Variants in ODAD3 observed in about 807,000 individuals in gnomAD.
The protein encoded by ODAD3 is outer dynein arm docking complex subunit 3, also known as outer dynein arm-docking complex subunit 3.
ODAD3 carries 57 observed loss-of-function variants against 70.9 expected under a neutral mutation model. The observed-to-expected ratio is 0.80, with a 90% CI of 0.65 to 1.00. The LOEUF (loss-of-function observed/expected upper bound fraction) is 1.00, where lower values mean the gene tolerates loss of function less well. Among genes scored for constraint, ODAD3 ranks in the 50% least tolerant of loss-of-function variants. The pLI is 0.00. For synonymous variants in ODAD3, 327 were observed against 315.9 expected, an observed-to-expected ratio of 1.04 and a Z score of -0.37; for missense variants, 797 against 763.9, an observed-to-expected ratio of 1.04 and a Z score of -0.51.
Position 11,430,764 on chromosome 19 carries a change from CT to C in ODAD3, c.378del (p.Val127TrpfsTer5). 6.2e-7 allele frequency: 1 copy of C among 1,614,100 alleles called. No homozygotes were observed. The highest frequency in any genetic ancestry group is 8.5e-7 in the Non-Finnish European group (1 of 1,180,016). On this transcript the variant is annotated frameshift_variant, in exon 3 of 13. Transcript: ENST00000356392. LOFTEE classifies it high-confidence loss of function. ...CATTCGCGAATCACTGCCTGGACCACTTTCTCATCTCCCTGCAAGGAGGGAA... is the reference window on the plus strand; with the variant it reads ...CATTCGCGAATCACTGCCTGGACCACTTCTCATCTCCCTGCAAGGAGGGAA... The part of the protein sequence containing the change: ...KLLDLLKGDE[K>X]VVQAVIREWK...
intron 3 of ODAD3, among the ~76,000 whole-genome samples, chr19:11,428,858 ATTTT>A (rs201801600): frequency 0.041 from 5,834 of 143,218 alleles, 324 homozygotes; most frequent in African/African-American, 0.14. Context: ...ACTGTGTTTT[ATTTT>A]TTATTTATTT....
intron 7 of ODAD3, among the ~76,000 whole-genome samples, chr19:11,425,330 TATGTGTATA>T (rs1211283101): frequency 7.8e-6 from 1 of 128,824 alleles, no homozygotes; most frequent in Non-Finnish European, 1.6e-5. Context: ...TATATGTACA[TATGTGTATA>T]TATGTATATA....
At position 11,434,772 on chromosome 19, in the gene ODAD3, C is replaced by T. The variant is rs937290981; in HGVS notation, c.244+1G>A. ...CTCTGTACCCTCTGGAGCCATCTTA[C>T]CTAACAGTTGTATCTTTTTATGTAA... On this transcript the variant is annotated splice_donor_variant, in intron 1 of 12. Transcript: ENST00000356392. LOFTEE classifies it high-confidence loss of function. 3.1e-6 allele frequency: 5 copies of T among 1,609,730 alleles called. No homozygotes were observed. Among genetic ancestry groups the T allele is most frequent in the African/African-American group, 1.3e-5 (1 of 74,864 alleles).
rs757753180 is a variant in ODAD3 at position 11,422,428 on chromosome 19, G to C, written c.1434+43C>G. Reference sequence around the variant, plus strand: ...CCCGCTTCGTGGCTGCGCCTCTGCGGTCCCAGGAGGGCCTGTCGGGGCTTC... The same window carrying C: ...CCCGCTTCGTGGCTGCGCCTCTGCGCTCCCAGGAGGGCCTGTCGGGGCTTC... On this transcript the variant is annotated intron_variant, in intron 10 of 12. Coordinates refer to ENST00000356392, the MANE Select transcript of ODAD3 (RefSeq NM_145045.5). The surrounding 1 kb of genome is among the most constrained non-coding windows in gnomAD (Gnocchi z 4.6). 14 of 1,502,014 alleles carry C rather than the reference G, an allele frequency of 9.3e-6. No homozygotes were observed. Among genetic ancestry groups the C allele is most frequent in the African/African-American group, 1.4e-5 (1 of 72,566 alleles). The allele number at this position is 1,502,014 out of a possible 1,614,324, so 93.0% of individuals were successfully genotyped here.
At chr19:11,425,437 A>G (rs1456231399) in intron 7 of ODAD3, among the ~76,000 whole-genome samples, 2 of 140,948 alleles carry the variant, frequency 1.4e-5, no homozygotes, top group Non-Finnish European at 3.0e-5. Flanking sequence ...ACATATGTGT[A>G]TATGTATATA....
intron 3 of ODAD3, among the ~76,000 whole-genome samples, chr19:11,428,861 T>TATTTA (rs1371693535): frequency 2.2e-5 from 3 of 135,686 alleles, no homozygotes; most frequent in South Asian, 2.2e-4. Context: ...GTGTTTTATT[T>TATTTA]TTTATTTATT....
chr19:11,435,231 A>T (rs1969647513), upstream of ODAD3: 1 of 1,399,038 alleles, frequency 7.1e-7, no homozygotes, highest in African/African-American at 1.4e-5. Context: ...CGTGGCTGAC[A>T]CTGCGTTCTC....
At chr19:11,425,986 G>C (rs1969361600) in intron 7 of ODAD3, among the ~76,000 whole-genome samples, 158 bp downstream of exon 7, 1 of 149,758 alleles carries the variant, frequency 6.7e-6, no homozygotes, top group African/African-American at 2.5e-5. Flanking sequence ...AGGGATGTGG[G>C]AGGGGTCTTC....
chr19:11,422,372 G>C lies in ODAD3; in HGVS notation c.1434+99C>G. 1 of 1,391,750 alleles carries C rather than the reference G, an allele frequency of 7.2e-7. No homozygotes were observed. Among genetic ancestry groups the C allele is most frequent in the Non-Finnish European group, 9.5e-7 (1 of 1,050,404 alleles). 86.2% of individuals were successfully genotyped at this position (1,391,750 alleles called of 1,614,324 possible). The stretch of plus-strand genomic sequence containing the variant: ...CGGGACAGAGGATGTGGCAGGCCAC[G>C]TTCCCTCGGGCAAGCTGGTGTGGCA... On this transcript the variant is annotated intron_variant, in intron 10 of 12. Coordinates refer to ENST00000356392, the MANE Select transcript of ODAD3 (RefSeq NM_145045.5). The surrounding 1 kb of genome is among the most constrained non-coding windows in gnomAD (Gnocchi z 4.6).
At chr19:11,426,851 T>C (rs766245725) in intron 4 of ODAD3, 22 bp downstream of exon 4, 1 of 1,611,256 alleles carries the variant, frequency 6.2e-7, no homozygotes, top group Non-Finnish European at 8.5e-7. Flanking sequence ...CCCTCTGCCC[T>C]GCAGGCCTCA....
intron 3 of ODAD3, among the ~76,000 whole-genome samples, chr19:11,428,574 G>C (rs1969435457): frequency 6.6e-6 from 1 of 151,698 alleles, no homozygotes; most frequent in Non-Finnish European, 1.5e-5. Flanking sequence ...TTTCAGACAA[G>C]GCCTTGCTTT....
At chr19:11,423,426 G>T (rs1370379043) in intron 8 of ODAD3, among the ~76,000 whole-genome samples, 3 of 152,152 alleles carry the variant, frequency 2.0e-5, no homozygotes, top group Admixed American at 6.6e-5. Flanking sequence ...GGGACACAGC[G>T]GTCTTAGAAT....
intron 3 of ODAD3, among the ~76,000 whole-genome samples, chr19:11,428,861 T>TA (rs1371693535): frequency 2.1e-4 from 29 of 135,764 alleles, no homozygotes; most frequent in East Asian, 1.4e-3. Flanking sequence ...GTGTTTTATT[T>TA]TTTATTTATT....
In ODAD3 at chr19:11,420,677, G is replaced by T. The variant is rs942362710; in HGVS notation, c.*158C>A. On this transcript the variant is annotated 3_prime_UTR_variant, in exon 13 of 13. Coordinates refer to ENST00000356392, the MANE Select transcript of ODAD3 (RefSeq NM_145045.5). Reference sequence around the variant, plus strand: ...AGCTGGGGAGATTTACTGTGGGAACGTCTGGCCCGGCCCCTTCCTCCCCTC... The same window carrying T: ...AGCTGGGGAGATTTACTGTGGGAACTTCTGGCCCGGCCCCTTCCTCCCCTC... 9 of 623,894 alleles carry T rather than the reference G, an allele frequency of 1.4e-5. No homozygotes were observed. In the African/African-American group the frequency reaches 1.7e-4, roughly 12 times the overall value. 38.6% of individuals were successfully genotyped at this position (623,894 alleles called of 1,614,324 possible).
At chr19:11,428,904 T>TA (rs1313806217) in intron 3 of ODAD3, among the ~76,000 whole-genome samples, 13 of 149,958 alleles carry the variant, frequency 8.7e-5, no homozygotes, top group African/African-American at 2.9e-4. Flanking sequence ...TTTATTTATT[T>TA]TGAGACAGAG....
upstream of ODAD3, chr19:11,435,616 G>A (rs369133175): frequency 1.0e-4 from 112 of 1,125,374 alleles, 1 homozygote; most frequent in South Asian, 9.3e-4. Context: ...AAGTGACGGG[G>A]TCCAGAAATT....
At chr19:11,425,395 G>GTATATGTATATATACA (rs1356879256) in intron 7 of ODAD3, among the ~76,000 whole-genome samples, 1 of 130,388 alleles carries the variant, frequency 7.7e-6, no homozygotes, top group Non-Finnish European at 1.6e-5. Context: ...GTACATATGT[G>GTATATGTATATATACA]TATATGTATA....
intron 1 of ODAD3, among the ~76,000 whole-genome samples, chr19:11,431,714 C>T (rs1969507124): frequency 6.6e-6 from 1 of 150,678 alleles, no homozygotes; most frequent in African/African-American, 2.4e-5. Flanking sequence ...GTGAGCGGAT[C>T]ACGAGGTCAG....
intron 3 of ODAD3, among the ~76,000 whole-genome samples, chr19:11,427,379 C>T (rs1261163608): frequency 2.6e-5 from 4 of 151,756 alleles, no homozygotes; most frequent in African/African-American, 9.7e-5. Flanking sequence ...ACTGCAACCT[C>T]CTCCTCCTGG....
Sources: gnomAD v4.1 joint callset for allele counts (sites outside exome capture counted in the v4.1 genomes callset) on GRCh38, gnomAD v4.1.1 for gene constraint, Gnocchi (gnomAD v3.1) non-coding constraint, MANE v1.5 for transcripts, NCBI Gene and HGNC (gene_info 2026-07-23, HGNC 2026-07-21) for gene names.